Variants in RTEL1 observed in about 807,000 individuals in gnomAD.
RTEL1 encodes regulator of telomere length.
RTEL1 carries 86 observed loss-of-function variants against 162.2 expected under a neutral mutation model. The ratio of observed to expected loss-of-function variants is 0.53; its 90% CI spans 0.45 to 0.63. The LOEUF (loss-of-function observed/expected upper bound fraction) is 0.63. RTEL1 is among the 30% of genes least tolerant of loss of function. The pLI is 0.00. For synonymous variants in RTEL1, 958 were observed against 717.9 expected (o/e 1.33, Z -5.35); for missense variants, 1,941 against 1,750.2 (o/e 1.11, Z -1.95).
intron 29 of RTEL1, 33 bp from the exon 30 acceptor site, chr20:63,693,110 G>A: frequency 2.5e-6 from 4 of 1,612,042 alleles, no homozygotes; most frequent in Admixed American, 1.7e-5. Flanking sequence ...GAGAAAAAGG[G>A]GCAGATGGGG....
At chr20:63,671,838 G>A (rs1246361876) in intron 8 of RTEL1, among the ~76,000 whole-genome samples, 1 of 151,824 alleles carries the variant, frequency 6.6e-6, no homozygotes, top group Non-Finnish European at 1.5e-5. Context: ...ACCCCAGATT[G>A]CTCCCATGAC....
intron 12 of RTEL1, among the ~76,000 whole-genome samples, chr20:63,679,495 G>A (rs925066081): frequency 6.6e-6 from 1 of 152,036 alleles, no homozygotes; most frequent in African/African-American, 2.4e-5. Context: ...CCCCTCTGAC[G>A]GCGGCCCCTG....
Position 63,689,744 on chromosome 20 carries a change from C to A in RTEL1, c.2026-6C>A, listed in dbSNP as rs1221847552. 6.2e-7 allele frequency: 1 copy of A among 1,611,158 alleles called. No homozygotes were observed. Among genetic ancestry groups the A allele is most frequent in the Non-Finnish European group, 8.5e-7 (1 of 1,179,118 alleles). ...GCCCCCGTGACCGAGCCGCCTCGCC[C>A]CACAGTTCCTCTCTGGGCAGGAGTG... On this transcript the variant is annotated splice_polypyrimidine_tract_variant and splice_region_variant and intron_variant, in intron 23 of 34. Coordinates refer to ENST00000360203, the MANE Select transcript of RTEL1 (RefSeq NM_001283009.2).
In RTEL1 at chr20:63,695,933, C is replaced by A; in HGVS notation, c.*75C>A. On this transcript the variant is annotated 3_prime_UTR_variant, in exon 35 of 35. Transcript: ENST00000360203. ...GTCCAGCTCTGGTGGGCCAAGAACC[C>A]ACCCAACAGAATAGGCCAGCCCATG... The A allele has an allele frequency of 6.9e-7, 1 of 1,442,050 alleles. No individual in the cohort carries two copies. The highest frequency in any genetic ancestry group is 9.4e-7 in the Non-Finnish European group (1 of 1,060,512). The allele number at this position is 1,442,050 out of a possible 1,614,324, so 89.3% of individuals were successfully genotyped here. A position where few individuals can be genotyped will look rare whatever the true frequency, so the allele number is the denominator to read the frequency against.
Position 63,685,532 on chromosome 20 carries a change from A to T in RTEL1, c.1201A>T (p.Ser401Cys), listed in dbSNP as rs890182855. The T allele has an allele frequency of 4.3e-6, 7 of 1,612,384 alleles. No homozygotes were observed. The Admixed American group carries it at 6.7e-5, about 15-fold the overall frequency. ...TTCCTCTGCCTTTCAGATTGTGTTC[A>T]GTGTGGACCCCTCCGAGGGCAGCCC... The part of the protein sequence containing the change: ...KLADIIQIVF[S>C]VDPSEGSPGS... The change falls in exon 15 of 35, where the codon AGT (serine) becomes TGT (cysteine). Residue 401 changes from serine (S) to cysteine (C), a missense_variant. Physicochemically the swap from Ser to Cys is moderately radical, Grantham distance 112. Transcript: ENST00000360203.
In RTEL1 at chr20:63,688,119, A is replaced by T. The variant is rs1354218174; in HGVS notation, c.1596-20A>T. 1 of 1,612,360 alleles carries T rather than the reference A, an allele frequency of 6.2e-7. No individual in the cohort carries two copies. Among genetic ancestry groups the T allele is most frequent in the Non-Finnish European group, 8.5e-7 (1 of 1,179,738 alleles). Reference sequence around the variant, plus strand: ...AGCACTGAGGCCTGAGGTCCTGAGCAGTGGCCTCTCCGGCTCTAGGTTTTC... The same window carrying T: ...AGCACTGAGGCCTGAGGTCCTGAGCTGTGGCCTCTCCGGCTCTAGGTTTTC... On this transcript the variant is annotated intron_variant, in intron 18 of 34. Coordinates refer to ENST00000360203, the MANE Select transcript of RTEL1 (RefSeq NM_001283009.2).
intron 14 of RTEL1, chr20:63,681,346 C>T: frequency 1.0e-6 from 1 of 985,394 alleles, no homozygotes; most frequent in Non-Finnish European, 1.2e-6. Context: ...CACGTTGCCT[C>T]TCCGGGGCCT....
rs781387957 is a variant in RTEL1, at chr20:63,695,769, G to C, written c.3823-9G>C. ...GGCAGACGTGTGCAGTGGGCCGGTT[G>C]TCTCACAGGCCTCTAGGATGTGCCC... On this transcript the variant is annotated splice_polypyrimidine_tract_variant and intron_variant, in intron 34 of 34. Transcript: ENST00000360203. 4 of 1,589,516 alleles carry C rather than the reference G, an allele frequency of 2.5e-6. No homozygotes were observed. In the African/African-American group the frequency reaches 5.4e-5, roughly 21 times the overall value.
In RTEL1 at chr20:63,661,579, G is replaced by A; in HGVS notation, c.301+83G>A. 8.1e-6 allele frequency: 11 copies of A among 1,359,734 alleles called. No homozygotes were observed. The highest frequency in any genetic ancestry group is 1.1e-5 in the Non-Finnish European group (11 of 993,178). 84.2% of individuals were successfully genotyped at this position (1,359,734 alleles called of 1,614,324 possible). A position where few individuals can be genotyped will look rare whatever the true frequency, so the allele number is the denominator to read the frequency against. ...GCGCTGAGGGTGGGGTGGGCCCATG[G>A]GGACTCCTGCCGTCTCTCAAGCAGA... On this transcript the variant is annotated intron_variant, in intron 3 of 34. Transcript: ENST00000360203. The surrounding 1 kb of genome is among the most constrained non-coding windows in gnomAD (Gnocchi z 5.1).
At chr20:63,671,186 G>A (rs6062486) in intron 8 of RTEL1, among the ~76,000 whole-genome samples, 105,493 of 151,740 alleles carry the variant, frequency 0.7, 37,200 homozygotes, top group Admixed American at 0.75. Flanking sequence ...TCAGCCTTCC[G>A]AGTAGCTGGG....
intron 14 of RTEL1, 119 bp downstream of exon 14, chr20:63,680,838 C>T: frequency 6.5e-7 from 1 of 1,529,984 alleles, no homozygotes; most frequent in Non-Finnish European, 8.9e-7. Context: ...CCTACACCAC[C>T]TGTTTCTGAT....
chr20:63,682,711 C>T, intron 14 of RTEL1: 1 of 985,174 alleles, frequency 1.0e-6, no homozygotes, highest in Non-Finnish European at 1.2e-6. Flanking sequence ...AGCCCTGAGT[C>T]ACAGGTGACC....
Position 63,661,227 on chromosome 20 carries a change from G to C in RTEL1, c.103-71G>C. 1 of 1,446,864 alleles carries C rather than the reference G, an allele frequency of 6.9e-7. No homozygotes were observed. Among genetic ancestry groups the C allele is most frequent in the South Asian group, 1.2e-5 (1 of 85,464 alleles). The allele number at this position is 1,446,864 out of a possible 1,614,324, so 89.6% of individuals were successfully genotyped here. On this transcript the variant is annotated intron_variant, in intron 2 of 34. Transcript: ENST00000360203. The surrounding 1 kb of genome is among the most constrained non-coding windows in gnomAD (Gnocchi z 5.1). ...AGCTGCCCGCTGGCTGCCGAAGCTT[G>C]TCTCAGGGCAGCTTGTGTGGCCTCG... is the stretch of plus-strand genomic sequence containing the variant.
chr20:63,693,663 TCCACCACCACCACCACCA>T (rs1568721401), intron 30 of RTEL1, among the ~76,000 whole-genome samples: 5 of 2,708 alleles, frequency 1.8e-3, no homozygotes, highest in Non-Finnish European at 2.3e-3. Flanking sequence ...CACCACCACC[TCCACCACCACCACCACCA>T]CCACCACCAC....
In RTEL1 at chr20:63,695,536, G is replaced by A. The variant is rs754318726; in HGVS notation, c.3708G>A (p.Gly1236=). 10 of 1,612,302 alleles carry A rather than the reference G, an allele frequency of 6.2e-6. No individual in the cohort carries two copies. In the South Asian group the frequency reaches 9.9e-5, roughly 16 times the overall value. ...AGCAGGCCACGGGAGCTCCGGGCGG[G>A]CCCCTCTCAGCAGGCTGTGTGTGCC... ...AGQQATGAPG[G]PLSAGCVCQG... The change falls in exon 34 of 35, where the codon GGG becomes GGA. Residue 1236 remains glycine (G), a synonymous_variant. Transcript: ENST00000360203.
intron 10 of RTEL1, among the ~76,000 whole-genome samples, chr20:63,674,690 G>T (rs1483434021): frequency 1.3e-5 from 2 of 150,014 alleles, no homozygotes; most frequent in Non-Finnish European, 3.0e-5. Flanking sequence ...GCAGAGTGAG[G>T]CCATCTCAAA....
At chr20:63,676,944 C>A (rs952794496) in intron 10 of RTEL1, among the ~76,000 whole-genome samples, 19 of 152,182 alleles carry the variant, frequency 1.2e-4, no homozygotes, top group African/African-American at 4.1e-4. Flanking sequence ...AAAAATCAAT[C>A]AGTCAATCAA....
At chr20:63,660,190 A>G (rs2089990442) in intron 2 of RTEL1, among the ~76,000 whole-genome samples, 1 of 152,228 alleles carries the variant, frequency 6.6e-6, no homozygotes, top group South Asian at 2.1e-4. Flanking sequence ...GGCAGGCAGG[A>G]GACAGTGGCC....
At chr20:63,676,472 C>T (rs1427184655) in intron 10 of RTEL1, among the ~76,000 whole-genome samples, 2 of 152,114 alleles carry the variant, frequency 1.3e-5, no homozygotes, top group Admixed American at 6.5e-5. Context: ...CGTTTCTTCC[C>T]ATGTGAACAT....
Sources: allele counts gnomAD v4.1 joint callset (sites outside exome capture counted in the v4.1 genomes callset), GRCh38; gene constraint gnomAD v4.1.1; non-coding constraint Gnocchi (gnomAD v3.1); transcripts MANE v1.5; gene names NCBI Gene and HGNC (gene_info 2026-07-23, HGNC 2026-07-21).